GARNL3: variants seen among roughly 807,000 people sequenced by gnomAD.
GARNL3 encodes GTPase activating Rap/RanGAP domain like 3.
A neutral mutation model predicts 125.0 loss-of-function variants in GARNL3; 63 were observed. That is an observed-to-expected ratio of 0.50 (90% CI 0.41 to 0.62). GARNL3 has a LOEUF of 0.62. Ranked by LOEUF, GARNL3 falls within the 20% of genes least tolerant of loss-of-function variation. The pLI is 0.00. For synonymous variants in GARNL3, 439 were observed against 457.5 expected (o/e 0.96, Z 0.52); for missense variants, 994 against 1,244.0 (o/e 0.80, Z 3.02).
chr9:127,296,720 C>T (rs2064606308), intron 2 of GARNL3, among the ~76,000 whole-genome samples: 2 of 151,992 alleles, frequency 1.3e-5, no homozygotes, highest in Admixed American at 6.6e-5. Context: ...ATCTGCCCAC[C>T]TCGGCCTCCC....
chr9:127,377,730 G>C (rs1393128559), intron 22 of GARNL3, among the ~76,000 whole-genome samples: 1 of 145,910 alleles, frequency 6.9e-6, no homozygotes, highest in African/African-American at 2.5e-5. Context: ...AGAGGTTGCA[G>C]TAAGCTGAGA....
intron 1 of GARNL3, among the ~76,000 whole-genome samples, chr9:127,241,334 C>T (rs2063200961): frequency 6.6e-6 from 1 of 152,080 alleles, no homozygotes; most frequent in Admixed American, 6.6e-5. Context: ...ATCCTGAAGC[C>T]CTGATTTGTT....
intron 4 of GARNL3, among the ~76,000 whole-genome samples, chr9:127,316,275 C>G (rs1368759385): frequency 6.6e-6 from 1 of 152,152 alleles, no homozygotes; most frequent in Non-Finnish European, 1.5e-5. Flanking sequence ...GGCAGGGTGG[C>G]TCATGCCTGT....
chr9:127,265,736 A>G (rs1588712108), intron 1 of GARNL3, among the ~76,000 whole-genome samples: 2 of 152,240 alleles, frequency 1.3e-5, no homozygotes, highest in East Asian at 3.8e-4. Flanking sequence ...ATTATTATTT[A>G]ACACTGTTAA....
At chr9:127,316,576 G>T (rs558905424) in intron 4 of GARNL3, among the ~76,000 whole-genome samples, 1 of 152,108 alleles carries the variant, frequency 6.6e-6, no homozygotes, top group Non-Finnish European at 1.5e-5. Flanking sequence ...ATCAGAAAAC[G>T]TGTATTTCTA....
At chr9:127,297,797 C>T (rs1030110329) in intron 2 of GARNL3, among the ~76,000 whole-genome samples, 1 of 152,154 alleles carries the variant, frequency 6.6e-6, no homozygotes, top group Non-Finnish European at 1.5e-5. Context: ...TTGTAATTTG[C>T]ATGGCAATAA....
chr9:127,235,646 T>A (rs1037481250), intron 1 of GARNL3, among the ~76,000 whole-genome samples: 2 of 152,162 alleles, frequency 1.3e-5, no homozygotes, highest in African/African-American at 4.8e-5. Flanking sequence ...TTTTTTTGTT[T>A]TTTTGTTTTT....
intron 17 of GARNL3, among the ~76,000 whole-genome samples, chr9:127,349,952 T>C (rs6478770): frequency 0.6 from 91,200 of 152,060 alleles, 27,720 homozygotes; most frequent in African/African-American, 0.66. Flanking sequence ...GTACAACCTA[T>C]ACGTCCTCCC....
At chr9:127,359,418 A>G (rs911778792) in intron 21 of GARNL3, among the ~76,000 whole-genome samples, 2 of 152,120 alleles carry the variant, frequency 1.3e-5, no homozygotes, top group Non-Finnish European at 2.9e-5. Context: ...TGAAGCCAGG[A>G]GGCGGAGGTT....
intron 16 of GARNL3, among the ~76,000 whole-genome samples, chr9:127,347,881 G>A (rs1006665536): frequency 5.3e-5 from 8 of 151,992 alleles, no homozygotes; most frequent in African/African-American, 9.7e-5. Context: ...TTTTGAGACC[G>A]TGCATTTCCT....
upstream of GARNL3, among the ~76,000 whole-genome samples, chr9:127,259,878 C>T (rs1564855824): frequency 6.6e-6 from 1 of 151,122 alleles, no homozygotes; most frequent in Admixed American, 6.6e-5. Flanking sequence ...CCCATCTCTA[C>T]AAAAAAAAAT....
At chr9:127,362,474 C>T (rs1443585253) in intron 21 of GARNL3, 1 of 152,262 alleles carries the variant, frequency 6.6e-6, no homozygotes, top group Non-Finnish European at 1.5e-5. Flanking sequence ...AGGACTTGGA[C>T]CCCAGCTGGC....
intron 2 of GARNL3, among the ~76,000 whole-genome samples, chr9:127,255,110 A>G (rs911449953): frequency 2.0e-5 from 3 of 152,260 alleles, no homozygotes; most frequent in African/African-American, 7.2e-5. Context: ...TAGAAAAAAT[A>G]AGAGTGCACA....
chr9:127,253,104 G>A (rs539298428), intron 2 of GARNL3, among the ~76,000 whole-genome samples: 1 of 152,258 alleles, frequency 6.6e-6, no homozygotes, highest in East Asian at 1.9e-4. Context: ...GCTGTATAAG[G>A]CAGTTCACTT....
intron 2 of GARNL3, among the ~76,000 whole-genome samples, chr9:127,254,542 G>T (rs1408670338): frequency 3.3e-5 from 5 of 152,132 alleles, no homozygotes; most frequent in Non-Finnish European, 7.4e-5. Flanking sequence ...GCCGAGGCAG[G>T]CGGATCACTT....
intron 13 of GARNL3, 132 bp downstream of exon 13, chr9:127,339,883 CAT>C (rs1829768980): frequency 2.9e-6 from 2 of 699,812 alleles, no homozygotes; most frequent in Non-Finnish European, 5.2e-6. Flanking sequence ...CTTTGCACAA[CAT>C]GTGTTTAGTA....
At chr9:127,261,355 C>T (rs547488484), upstream of GARNL3, among the ~76,000 whole-genome samples, 9 of 150,364 alleles carry the variant, frequency 6.0e-5, no homozygotes, top group South Asian at 1.7e-3. Context: ...TTGCAGCTGG[C>T]AGATAAGGAA....
In GARNL3 at chr9:127,313,515, A is replaced by T. The variant is rs749806134; in HGVS notation, c.394A>T (p.Asn132Tyr). Reference protein sequence around the residue: ...FLSVTLSDQNNQRVPQYRAIL... With the variant: ...FLSVTLSDQNYQRVPQYRAIL... ...GTCCGTGACCCTTTCTGACCAAAACAATCAACGTGTCCCTCAATACCGTGC... is the reference window on the plus strand; with the variant it reads ...GTCCGTGACCCTTTCTGACCAAAACTATCAACGTGTCCCTCAATACCGTGC... The change falls in exon 4 of 28, where the codon AAT becomes TAT. Residue 132 changes from asparagine to tyrosine, a missense_variant. This residue lies in a region of GARNL3 where 139 missense variants were observed against 231.6 expected (regional missense o/e 0.60). Coordinates refer to ENST00000373387, the MANE Select transcript of GARNL3 (RefSeq NM_032293.5). 3 of 1,613,992 alleles carry T rather than the reference A, an allele frequency of 1.9e-6. No homozygotes were observed. In the East Asian group the frequency reaches 6.7e-5, roughly 36 times the overall value.
At chr9:127,362,428 T>C (rs1487029638) in intron 21 of GARNL3, 1 of 152,170 alleles carries the variant, frequency 6.6e-6, no homozygotes, top group African/African-American at 2.4e-5. Context: ...AGTCACTTAC[T>C]TACCCCAGAG....
Sources: allele counts gnomAD v4.1 joint callset (sites outside exome capture counted in the v4.1 genomes callset), GRCh38; gene constraint gnomAD v4.1.1; regional missense constraint gnomAD v4.1.1; transcripts MANE v1.5; gene names NCBI Gene and HGNC (gene_info 2026-07-23, HGNC 2026-07-21).